FHIT: variants seen among roughly 807,000 people sequenced by gnomAD.
The protein encoded by FHIT is bis(5'-adenosyl)-triphosphatase.
FHIT carries 19 observed loss-of-function variants against 17.9 expected under a neutral mutation model. The observed-to-expected ratio is 1.06, with a 90% CI of 0.74 to 1.56. The LOEUF is 1.56. Among genes scored for constraint, FHIT ranks in the 40% most tolerant of loss-of-function variants. The probability of loss-of-function intolerance (pLI) is 0.00; values close to 1 mark genes in which losing one functional copy is unlikely to be tolerated. For synonymous variants in FHIT, 81 were observed against 69.7 expected (o/e 1.16, Z -0.81); for missense variants, 248 against 189.2 (o/e 1.31, Z -1.82).
At chr3:61,189,544 A>G (rs903894114) in intron 2 of FHIT, among the ~76,000 whole-genome samples, 1 of 152,250 alleles carries the variant, frequency 6.6e-6, no homozygotes, top group Non-Finnish European at 1.5e-5. Flanking sequence ...ATCCCCATCA[A>G]GCTACCAATG....
At chr3:60,458,921 G>C (rs2078287) in intron 5 of FHIT, among the ~76,000 whole-genome samples, 47,071 of 151,172 alleles carry the variant, frequency 0.31, 7,847 homozygotes, top group East Asian at 0.56. Flanking sequence ...GACTACAAAT[G>C]TACACCACCA....
chr3:60,600,529 G>A (rs1553668412), intron 4 of FHIT, among the ~76,000 whole-genome samples: 4 of 152,104 alleles, frequency 2.6e-5, no homozygotes, highest in Non-Finnish European at 5.9e-5. Context: ...AACCAATAAA[G>A]TGGTATAAGC....
At chr3:59,956,671 TA>T (rs953627520) in intron 7 of FHIT, among the ~76,000 whole-genome samples, 1 of 151,378 alleles carries the variant, frequency 6.6e-6, no homozygotes, top group Non-Finnish European at 1.5e-5. Context: ...TCTCCAAAAA[TA>T]AAAAAAAGAC....
chr3:60,114,397 A>G (rs1363863952), intron 5 of FHIT, among the ~76,000 whole-genome samples: 1 of 150,570 alleles, frequency 6.6e-6, no homozygotes, highest in Non-Finnish European at 1.5e-5. Context: ...TCTGAATGAC[A>G]GACTCTCCCA....
At chr3:60,118,331 C>T (rs935912755) in intron 5 of FHIT, among the ~76,000 whole-genome samples, 1 of 149,870 alleles carries the variant, frequency 6.7e-6, no homozygotes, top group South Asian at 2.1e-4. Context: ...TGGTCTTGAA[C>T]TCCTGGCCTC....
At chr3:60,379,946 C>A (rs910204890) in intron 5 of FHIT, among the ~76,000 whole-genome samples, 49 of 152,168 alleles carry the variant, frequency 3.2e-4, no homozygotes, top group African/African-American at 1.2e-3. Context: ...TAACATATAA[C>A]CTTTAAGGTA....
intron 5 of FHIT, among the ~76,000 whole-genome samples, chr3:60,367,898 A>G (rs1404372613): frequency 1.3e-5 from 2 of 152,178 alleles, no homozygotes; most frequent in Admixed American, 6.5e-5. Flanking sequence ...TTAAATCAAT[A>G]TAAAGTATGT....
In FHIT at chr3:59,784,654, A is replaced by G. The variant is rs568897166; in HGVS notation, c.349-32333T>C. On this transcript the variant is annotated intron_variant, in intron 8 of 9. Coordinates refer to ENST00000492590, the MANE Select transcript of FHIT (RefSeq NM_002012.4). Reference sequence around the variant, plus strand: ...AATCACATAGTGATTCTTTAGGTTCAACATCCTTTTTCTTCCTTGTGCTCT... The same window carrying G: ...AATCACATAGTGATTCTTTAGGTTCGACATCCTTTTTCTTCCTTGTGCTCT... 2.5e-4 allele frequency among the ~76,000 whole-genome samples: 38 copies of G among 152,236 alleles called. No homozygotes were observed. The South Asian group carries it at 6.9e-3, about 27-fold the overall frequency.
At chr3:59,872,879 C>T (rs1702985840) in intron 8 of FHIT, among the ~76,000 whole-genome samples, 1 of 152,176 alleles carries the variant, frequency 6.6e-6, no homozygotes, top group Admixed American at 6.5e-5. Flanking sequence ...ACAGCCAGCA[C>T]ATCAGGCTCA....
intron 5 of FHIT, among the ~76,000 whole-genome samples, chr3:60,161,961 G>A (rs1474357610): frequency 6.6e-6 from 1 of 152,148 alleles, no homozygotes; most frequent in African/African-American, 2.4e-5. Context: ...CGACACTGAT[G>A]CTAACAGCAA....
chr3:60,032,647 G>T (rs1701050894), intron 5 of FHIT, among the ~76,000 whole-genome samples: 1 of 152,078 alleles, frequency 6.6e-6, no homozygotes. Flanking sequence ...GATTCTAAGA[G>T]CAGGACATCC....
intron 5 of FHIT, among the ~76,000 whole-genome samples, chr3:60,283,075 T>C (rs1707539484): frequency 6.6e-6 from 1 of 152,090 alleles, no homozygotes; most frequent in Non-Finnish European, 1.5e-5. Context: ...AGAAAGACCT[T>C]TGGAGAGTGC....
At chr3:60,766,865 T>C (rs1004525791) in intron 4 of FHIT, among the ~76,000 whole-genome samples, 1 of 152,246 alleles carries the variant, frequency 6.6e-6, no homozygotes, top group Non-Finnish European at 1.5e-5. Flanking sequence ...GAAGTCACAG[T>C]TCAGTGTAGT....
At chr3:60,857,965 G>C (rs1216411824) in intron 3 of FHIT, among the ~76,000 whole-genome samples, 3 of 152,098 alleles carry the variant, frequency 2.0e-5, no homozygotes, top group Non-Finnish European at 4.4e-5. Context: ...TAGCCTATAA[G>C]AGCTTAACAA....
At chr3:60,712,185 T>G (rs1438477774) in intron 4 of FHIT, among the ~76,000 whole-genome samples, 1 of 152,086 alleles carries the variant, frequency 6.6e-6, no homozygotes, top group Non-Finnish European at 1.5e-5. Flanking sequence ...CTAAGCTTCA[T>G]AAGTGAAGGA....
chr3:60,128,674 G>T (rs936026491), intron 5 of FHIT, among the ~76,000 whole-genome samples: 2 of 152,174 alleles, frequency 1.3e-5, no homozygotes, highest in African/African-American at 4.8e-5. Context: ...GCAACCAACT[G>T]ATCACCATAG....
intron 3 of FHIT, among the ~76,000 whole-genome samples, chr3:60,958,828 G>A (rs1709287446): frequency 6.6e-6 from 1 of 152,128 alleles, no homozygotes; most frequent in African/African-American, 2.4e-5. Context: ...CCAGCTAGGT[G>A]GAAGTATTTG....
intron 2 of FHIT, among the ~76,000 whole-genome samples, chr3:61,108,435 C>G (rs1195235202): frequency 6.6e-6 from 1 of 152,140 alleles, no homozygotes; most frequent in Non-Finnish European, 1.5e-5. Context: ...AAGTCTTTGC[C>G]CTGTGGCTCA....
intron 3 of FHIT, among the ~76,000 whole-genome samples, chr3:60,916,462 A>G (rs1707009246): frequency 1.3e-5 from 2 of 152,184 alleles, no homozygotes; most frequent in South Asian, 4.1e-4. Flanking sequence ...TTCTCTCTTA[A>G]AAAGAGTCGG....
Sources: allele counts gnomAD v4.1 joint callset (sites outside exome capture counted in the v4.1 genomes callset), GRCh38; gene constraint gnomAD v4.1.1; transcripts MANE v1.5; gene names NCBI Gene and HGNC (gene_info 2026-07-23, HGNC 2026-07-21).